Variants in VSTM4 observed in about 807,000 individuals in gnomAD.
The protein encoded by VSTM4 is V-set and transmembrane domain containing 4, also known as V-set and transmembrane domain-containing protein 4.
A neutral mutation model predicts 36.4 loss-of-function variants in VSTM4; 20 were observed. The ratio of observed to expected loss-of-function variants is 0.55; its 90% CI spans 0.39 to 0.80. The LOEUF (loss-of-function observed/expected upper bound fraction) is 0.80. VSTM4 is among the 30% of genes least tolerant of loss of function. The pLI, the probability that VSTM4 is intolerant of heterozygous loss-of-function variation, is 0.00. For synonymous variants in VSTM4, 182 were observed against 173.9 expected, an observed-to-expected ratio of 1.05 and a Z score of -0.37; for missense variants, 392 against 404.5, an observed-to-expected ratio of 0.97 and a Z score of 0.26.
At chr10:49,114,360 G>C (rs917357567) in intron 1 of VSTM4, among the ~76,000 whole-genome samples, 5 of 152,172 alleles carry the variant, frequency 3.3e-5, no homozygotes, top group Admixed American at 6.5e-5. Context: ...AATGACTTCT[G>C]AGCATCAGTT....
At chr10:49,065,024 T>C (rs1042448885) in intron 4 of VSTM4, among the ~76,000 whole-genome samples, 1 of 152,202 alleles carries the variant, frequency 6.6e-6, no homozygotes, top group Non-Finnish European at 1.5e-5. Context: ...GTTGGGATCC[T>C]GGAGTAATAG....
chr10:49,056,592 A>G (rs1590092098), intron 5 of VSTM4, among the ~76,000 whole-genome samples: 1 of 152,188 alleles, frequency 6.6e-6, no homozygotes, highest in South Asian at 2.1e-4. Context: ...GTCCCTGCCC[A>G]GGGGAGCCTG....
chr10:49,033,275 ACAATT>A lies in VSTM4; in HGVS notation c.838-13505_838-13501del, dbSNP rs1162382767. On this transcript the variant is annotated intron_variant, in intron 7 of 7. Coordinates refer to ENST00000332853, the MANE Select transcript of VSTM4 (RefSeq NM_001031746.5). ...TGCCTGAGATATTGTTAATGAGAAA[ACAATT>A]CAACCTGTGAACACTGTGTAAAGAA... Among the ~76,000 whole-genome samples the A allele has an allele frequency of 2.0e-5, 3 of 152,216 alleles. No individual in the cohort carries two copies. The East Asian group carries it at 5.8e-4, about 29-fold the overall frequency.
chr10:49,036,561 AC>A (rs1273075771), intron 7 of VSTM4, among the ~76,000 whole-genome samples: 1 of 152,224 alleles, frequency 6.6e-6, no homozygotes, highest in Non-Finnish European at 1.5e-5. Flanking sequence ...CCTTCAAGAA[AC>A]CTGAAATGCA....
At chr10:49,034,193 CCAT>C (rs1843391921) in intron 7 of VSTM4, among the ~76,000 whole-genome samples, 1 of 20,728 alleles carries the variant, frequency 4.8e-5, no homozygotes, top group South Asian at 7.9e-4. Flanking sequence ...ATTATCACCA[CCAT>C]CATCACCATC....
chr10:49,055,152 G>A (rs896045532), intron 5 of VSTM4, among the ~76,000 whole-genome samples: 5 of 152,218 alleles, frequency 3.3e-5, no homozygotes, highest in Non-Finnish European at 7.3e-5. Context: ...GAAACCCTTA[G>A]TGCATGGAGC....
chr10:49,032,101 G>C (rs971362297), intron 7 of VSTM4, among the ~76,000 whole-genome samples: 3 of 151,768 alleles, frequency 2.0e-5, no homozygotes, highest in African/African-American at 7.3e-5. Flanking sequence ...ATCACTCCTT[G>C]GTATTATAAG....
chr10:49,077,399 T>C, intron 3 of VSTM4, 73 bp from the exon 4 acceptor site: 2 of 1,376,062 alleles, frequency 1.5e-6, no homozygotes, highest in African/African-American at 1.4e-5. Context: ...AAGAGAACAA[T>C]CAGAATTGGA....
At chr10:49,041,696 T>G (rs946963006) in intron 7 of VSTM4, among the ~76,000 whole-genome samples, 1 of 152,216 alleles carries the variant, frequency 6.6e-6, no homozygotes, top group Non-Finnish European at 1.5e-5. Context: ...ACCCAGGCTA[T>G]GCACTAGGGG....
At chr10:49,023,336 A>G (rs1843209457) in intron 7 of VSTM4, among the ~76,000 whole-genome samples, 1 of 152,246 alleles carries the variant, frequency 6.6e-6, no homozygotes, top group African/African-American at 2.4e-5. Context: ...AGCTTGTTTA[A>G]CTGGAAATAA....
chr10:49,113,814 G>C (rs1301192141), intron 1 of VSTM4, among the ~76,000 whole-genome samples: 1 of 152,114 alleles, frequency 6.6e-6, no homozygotes, highest in East Asian at 1.9e-4. Flanking sequence ...TCATGAATGA[G>C]GCACTTAGAA....
chr10:49,042,972 G>A (rs1025247031), intron 7 of VSTM4, among the ~76,000 whole-genome samples: 1 of 152,220 alleles, frequency 6.6e-6, no homozygotes, highest in Non-Finnish European at 1.5e-5. Context: ...AGGAAGAGGG[G>A]AGAGTGGGTA....
At chr10:49,041,171 A>G (rs1843515493) in intron 7 of VSTM4, among the ~76,000 whole-genome samples, 1 of 152,190 alleles carries the variant, frequency 6.6e-6, no homozygotes, top group Non-Finnish European at 1.5e-5. Context: ...AAATCTTGAT[A>G]TTCACCAAAA....
intron 5 of VSTM4, among the ~76,000 whole-genome samples, chr10:49,058,325 A>C (rs1269569762): frequency 2.0e-5 from 3 of 152,216 alleles, no homozygotes; most frequent in Non-Finnish European, 2.9e-5. Flanking sequence ...GAAAGAAGGC[A>C]TCTGGATCCA....
chr10:49,089,287 A>G (rs1043605117), intron 2 of VSTM4, among the ~76,000 whole-genome samples: 1 of 152,106 alleles, frequency 6.6e-6, no homozygotes, highest in African/African-American at 2.4e-5. Flanking sequence ...AGGGACTTTC[A>G]CTTGTTTTAT....
At chr10:49,108,585 T>C (rs766188817) in intron 1 of VSTM4, among the ~76,000 whole-genome samples, 1 of 152,236 alleles carries the variant, frequency 6.6e-6, no homozygotes, top group Non-Finnish European at 1.5e-5. Context: ...TAAGGTCGGA[T>C]GTGAGCTGGG....
chr10:49,074,084 A>G (rs1434175289), intron 4 of VSTM4, among the ~76,000 whole-genome samples: 2 of 152,204 alleles, frequency 1.3e-5, no homozygotes, highest in African/African-American at 4.8e-5. Flanking sequence ...GAGTCTTCGC[A>G]TATACAAACA....
chr10:49,038,463 TG>T (rs2131949075), intron 7 of VSTM4, among the ~76,000 whole-genome samples: 1 of 151,224 alleles, frequency 6.6e-6, no homozygotes, highest in African/African-American at 2.4e-5. Flanking sequence ...TGGGTGGGAG[TG>T]GGGGGTGTTT....
chr10:49,107,591 C>T lies in VSTM4; in HGVS notation c.457+3G>A. ...CTCTACCCAGGGAGACCAAGACCCTCACCTCTCATTTCCGTGGCTGAGGAG... is the reference window on the plus strand; with the variant it reads ...CTCTACCCAGGGAGACCAAGACCCTTACCTCTCATTTCCGTGGCTGAGGAG... On this transcript the variant is annotated splice_donor_region_variant and intron_variant, in intron 2 of 7. Coordinates refer to ENST00000332853, the MANE Select transcript of VSTM4 (RefSeq NM_001031746.5). The T allele has an allele frequency of 6.3e-7, 1 of 1,599,442 alleles. No homozygotes were observed. The highest frequency in any genetic ancestry group is 8.5e-7 in the Non-Finnish European group (1 of 1,170,072).
Sources: allele counts gnomAD v4.1 joint callset (sites outside exome capture counted in the v4.1 genomes callset), GRCh38; gene constraint gnomAD v4.1.1; transcripts MANE v1.5; gene names NCBI Gene and HGNC (gene_info 2026-07-23, HGNC 2026-07-21).